Variants in GARNL3 observed in about 807,000 individuals in gnomAD.
The protein encoded by GARNL3 is GTPase-activating Rap/Ran-GAP domain-like protein 3.
A neutral mutation model predicts 125.0 loss-of-function variants in GARNL3; 63 were observed. The ratio of observed to expected loss-of-function variants is 0.50; its 90% CI spans 0.41 to 0.62. GARNL3 has a LOEUF of 0.62. GARNL3 is among the 20% of genes least tolerant of loss of function. The pLI, the probability that GARNL3 is intolerant of heterozygous loss-of-function variation, is 0.00. For missense variants in GARNL3, 994 were observed against 1,244.0 expected, an observed-to-expected ratio of 0.80 and a Z score of 3.02; for synonymous variants, 439 against 457.5, an observed-to-expected ratio of 0.96 and a Z score of 0.52.
At chr9:127,306,764 G>A (rs2064967501) in intron 2 of GARNL3, among the ~76,000 whole-genome samples, 1 of 151,446 alleles carries the variant, frequency 6.6e-6, no homozygotes, top group Admixed American at 6.6e-5. Context: ...GCACACACCT[G>A]TAATCCTATC....
Position 127,266,760 on chromosome 9 carries a change from A to G in GARNL3, c.144+1739A>G, listed in dbSNP as rs908149290. On this transcript the variant is annotated intron_variant, in intron 1 of 27. Coordinates refer to ENST00000373387, the MANE Select transcript of GARNL3 (RefSeq NM_032293.5). The surrounding 1 kb of genome is among the most constrained non-coding windows in gnomAD (Gnocchi z 4.0). ...AGACAAAATTCAGTAGCAAAAGTAG[A>G]GCCTTGACTGTCAGGTGAACACTTT... Among the ~76,000 whole-genome samples the G allele has an allele frequency of 6.6e-6, 1 of 152,242 alleles. No homozygotes were observed. The highest frequency in any genetic ancestry group is 2.4e-5 in the African/African-American group (1 of 41,464).
At chr9:127,236,185 G>A (rs1451776476) in intron 1 of GARNL3, among the ~76,000 whole-genome samples, 3 of 152,208 alleles carry the variant, frequency 2.0e-5, no homozygotes, top group African/African-American at 7.2e-5. Context: ...GTACCTGAAA[G>A]TACATTCCTA....
At chr9:127,226,625 C>G (rs190277483) in intron 1 of GARNL3, among the ~76,000 whole-genome samples, 32 of 152,328 alleles carry the variant, frequency 2.1e-4, no homozygotes, top group Non-Finnish European at 2.9e-5. Context: ...TCTTTCCTTT[C>G]CTCTCTGTAT....
At position 127,280,370 on chromosome 9, in the gene GARNL3, G is replaced by A. The variant is rs1207782014; in HGVS notation, c.145-10798G>A. ...TTCTTGTCATGAAAAAGAGGTGCTT[G>A]TACGAGTGAGGCTACCTCAAAATGC... On this transcript the variant is annotated intron_variant, in intron 1 of 27. Coordinates refer to ENST00000373387, the MANE Select transcript of GARNL3 (RefSeq NM_032293.5). This position sits in a 1 kb window ranked among gnomAD's most constrained non-coding sequence, Gnocchi z 4.5. Among the ~76,000 whole-genome samples the A allele has an allele frequency of 6.6e-6, 1 of 152,162 alleles. No individual in the cohort carries two copies. The highest frequency in any genetic ancestry group is 1.5e-5 in the Non-Finnish European group (1 of 68,018).
chr9:127,271,227 T>G (rs1366272618), intron 1 of GARNL3, among the ~76,000 whole-genome samples: 1 of 150,340 alleles, frequency 6.7e-6, no homozygotes, highest in Non-Finnish European at 1.5e-5. Context: ...ATGGACTCCC[T>G]TATCTCTGTA....
At chr9:127,230,608 G>C (rs568662411) in intron 1 of GARNL3, among the ~76,000 whole-genome samples, 3 of 148,816 alleles carry the variant, frequency 2.0e-5, no homozygotes, top group Non-Finnish European at 4.4e-5. Flanking sequence ...AGCCAAGATC[G>C]CACCATTGCA....
At chr9:127,377,255 A>T (rs1438216698) in intron 22 of GARNL3, among the ~76,000 whole-genome samples, 2 of 152,382 alleles carry the variant, frequency 1.3e-5, no homozygotes, top group African/African-American at 4.8e-5. Flanking sequence ...AAGTATATAT[A>T]AAATGTATAC....
At chr9:127,253,275 G>GA (rs962594036) in intron 2 of GARNL3, among the ~76,000 whole-genome samples, 2 of 151,592 alleles carry the variant, frequency 1.3e-5, no homozygotes, top group Non-Finnish European at 1.5e-5. Flanking sequence ...TTTACAGAAG[G>GA]AAAAAAAACA....
chr9:127,344,669 G>A (rs1830043285), intron 15 of GARNL3, among the ~76,000 whole-genome samples: 1 of 152,198 alleles, frequency 6.6e-6, no homozygotes, highest in South Asian at 2.1e-4. Flanking sequence ...GTGAGGAGCC[G>A]ATTTGGGAAA....
At chr9:127,300,994 A>C in intron 2 of GARNL3, 1 of 182,208 alleles carries the variant, frequency 5.5e-6, no homozygotes, top group Non-Finnish European at 1.2e-5. Flanking sequence ...TCACAAACCC[A>C]GGTGGTTCCC....
chr9:127,297,549 A>G (rs2064640590), intron 2 of GARNL3, among the ~76,000 whole-genome samples: 2 of 152,130 alleles, frequency 1.3e-5, no homozygotes, highest in South Asian at 4.1e-4. Context: ...TTGAAACTGC[A>G]TTTGCTAAGA....
rs909133223 is a variant in GARNL3 at position 127,282,399 on chromosome 9, C to T, written c.145-8769C>T. Among the ~76,000 whole-genome samples the T allele has an allele frequency of 5.3e-5, 8 of 152,054 alleles. No homozygotes were observed. The East Asian group carries it at 1.2e-3, about 22-fold the overall frequency. On this transcript the variant is annotated intron_variant, in intron 1 of 27. Coordinates refer to ENST00000373387, the MANE Select transcript of GARNL3 (RefSeq NM_032293.5). ...TTATGTCCAGGTACTATTCTAGGCT[C>T]GTTATACATTTTACATTATTAAATC...
At chr9:127,332,950 A>G in intron 8 of GARNL3, 73 bp from the exon 9 acceptor site, 1 of 1,040,830 alleles carries the variant, frequency 9.6e-7, no homozygotes, top group Admixed American at 1.7e-5. Flanking sequence ...TTTTCCAGCG[A>G]TTCCGGTCCA....
At position 127,334,908 on chromosome 9, in the gene GARNL3, G is replaced by A. The variant is rs541722392; in HGVS notation, c.770-322G>A. ...TGGACATAATTGTTTGTGTCATCTT[G>A]TGTTAATTTCATCCCGTACCTCCCA... On this transcript the variant is annotated intron_variant, in intron 9 of 27. Transcript: ENST00000373387. Among the ~76,000 whole-genome samples the A allele has an allele frequency of 4.6e-5, 7 of 152,262 alleles. No individual in the cohort carries two copies. The South Asian group carries it at 1.0e-3, about 23-fold the overall frequency.
At chr9:127,296,287 A>G (rs956403283) in intron 2 of GARNL3, among the ~76,000 whole-genome samples, 1 of 152,092 alleles carries the variant, frequency 6.6e-6, no homozygotes, top group East Asian at 1.9e-4. Context: ...AGTACAACTC[A>G]GGAAGAACCA....
chr9:127,386,233 A>C (rs1224821465), intron 24 of GARNL3, among the ~76,000 whole-genome samples: 1 of 152,224 alleles, frequency 6.6e-6, no homozygotes, highest in East Asian at 1.9e-4. Flanking sequence ...GTAATCTGCT[A>C]TAAAACTATT....
At chr9:127,370,266 C>T (rs1356173668) in intron 22 of GARNL3, among the ~76,000 whole-genome samples, 1 of 152,176 alleles carries the variant, frequency 6.6e-6, no homozygotes, top group East Asian at 1.9e-4. Flanking sequence ...TGCCCCGCAG[C>T]ACAGGCCTTG....
intron 22 of GARNL3, among the ~76,000 whole-genome samples, chr9:127,368,655 C>T (rs1195945168): frequency 6.6e-6 from 1 of 151,106 alleles, no homozygotes; most frequent in Non-Finnish European, 1.5e-5. Context: ...AATATAAGGG[C>T]CAAGTGCAGT....
At chr9:127,371,299 C>T (rs1588953374) in intron 22 of GARNL3, among the ~76,000 whole-genome samples, 1 of 152,316 alleles carries the variant, frequency 6.6e-6, no homozygotes, top group East Asian at 1.9e-4. Context: ...TTCCTAGAAC[C>T]CTGATGCTAT....
Sources: allele counts gnomAD v4.1 joint callset (sites outside exome capture counted in the v4.1 genomes callset), GRCh38; gene constraint gnomAD v4.1.1; non-coding constraint Gnocchi (gnomAD v3.1); transcripts MANE v1.5; gene names NCBI Gene and HGNC (gene_info 2026-07-23, HGNC 2026-07-21).